MACROD2: variants seen among roughly 807,000 people sequenced by gnomAD.
MACROD2 encodes mono-ADP ribosylhydrolase 2, also known as ADP-ribose glycohydrolase MACROD2.
MACROD2 carries 36 observed loss-of-function variants against 70.4 expected under a neutral mutation model. The ratio of observed to expected loss-of-function variants is 0.51; its 90% confidence interval spans 0.39 to 0.68. MACROD2 has a LOEUF of 0.68. Among genes scored for constraint, MACROD2 ranks in the 30% least tolerant of loss-of-function variants. The probability of loss-of-function intolerance (pLI) is 0.00; values close to 1 mark genes in which losing one functional copy is unlikely to be tolerated. For missense variants in MACROD2, 496 were observed against 538.4 expected, an observed-to-expected ratio of 0.92 and a Z score of 0.78; for synonymous variants, 172 against 178.8, an observed-to-expected ratio of 0.96 and a Z score of 0.30.
At chr20:14,443,892 A>T (rs2084154619) in intron 3 of MACROD2, among the ~76,000 whole-genome samples, 2 of 152,286 alleles carry the variant, frequency 1.3e-5, no homozygotes, top group South Asian at 2.1e-4. Flanking sequence ...AAAGCATTTA[A>T]AGCACTTAGC....
intron 5 of MACROD2, among the ~76,000 whole-genome samples, chr20:15,170,207 TTTTCAGG>T (rs2076413459): frequency 6.6e-6 from 1 of 152,222 alleles, no homozygotes; most frequent in African/African-American, 2.4e-5. Context: ...CTGAATTCTT[TTTTCAGG>T]ATAATAGAGC....
rs531817902 is a variant in MACROD2, at chr20:15,623,063, A to G, written c.645+123216A>G. Among the ~76,000 whole-genome samples, 4 of 152,332 alleles carry G rather than the reference A, an allele frequency of 2.6e-5. No individual in the cohort carries two copies. In the South Asian group the frequency reaches 8.3e-4, roughly 32 times the overall value. ...TTCAGTCTTGGTGTCAAATTCTAGCAAAGAATAATTTTTAGGACTATGAGT... is the reference window on the plus strand; with the variant it reads ...TTCAGTCTTGGTGTCAAATTCTAGCGAAGAATAATTTTTAGGACTATGAGT... On this transcript the variant is annotated intron_variant, in intron 8 of 17. Coordinates refer to ENST00000684519, the MANE Select transcript of MACROD2 (RefSeq NM_001351661.2).
At chr20:16,021,451 G>GCAT (rs1435440101) in intron 15 of MACROD2, among the ~76,000 whole-genome samples, 2 of 152,222 alleles carry the variant, frequency 1.3e-5, no homozygotes, top group Non-Finnish European at 2.9e-5. Context: ...GACAGAGGTG[G>GCAT]CATCGCCTGT....
intron 8 of MACROD2, among the ~76,000 whole-genome samples, chr20:15,772,717 A>G (rs1356193831): frequency 3.3e-5 from 5 of 152,092 alleles, no homozygotes; most frequent in Non-Finnish European, 7.4e-5. Flanking sequence ...GAGAAGAAAG[A>G]AGGAGGAGCT....
intron 3 of MACROD2, among the ~76,000 whole-genome samples, chr20:14,093,015 T>C (rs2054172367): frequency 6.6e-6 from 1 of 152,238 alleles, no homozygotes; most frequent in South Asian, 2.1e-4. Flanking sequence ...CATATTTTTA[T>C]ATGGATTTGT....
chr20:15,473,932 G>A (rs1255780817), intron 7 of MACROD2, among the ~76,000 whole-genome samples: 1 of 152,196 alleles, frequency 6.6e-6, no homozygotes, highest in Non-Finnish European at 1.5e-5. Flanking sequence ...AAGTGTGTCT[G>A]CATGTTCCAG....
intron 5 of MACROD2, among the ~76,000 whole-genome samples, chr20:15,081,394 T>C (rs887549589): frequency 6.6e-6 from 1 of 152,180 alleles, no homozygotes; most frequent in Non-Finnish European, 1.5e-5. Context: ...TGGCAGTTTC[T>C]ACCGTGGATT....
intron 15 of MACROD2, among the ~76,000 whole-genome samples, chr20:16,027,184 G>A (rs962234324): frequency 3.9e-5 from 6 of 152,116 alleles, no homozygotes; most frequent in African/African-American, 7.2e-5. Context: ...GACTGAGACC[G>A]GAAATGGAAT....
chr20:14,486,033 C>T (rs1230081078), intron 3 of MACROD2, among the ~76,000 whole-genome samples: 8 of 151,972 alleles, frequency 5.3e-5, no homozygotes, highest in Non-Finnish European at 2.9e-5. Context: ...TAAAACATAC[C>T]TGTTCAATCA....
chr20:14,148,845 T>G (rs2054975278), intron 3 of MACROD2, among the ~76,000 whole-genome samples: 1 of 152,244 alleles, frequency 6.6e-6, no homozygotes, highest in Admixed American at 6.5e-5. Flanking sequence ...AGGGTCTTTG[T>G]GCTCAGTGTA....
chr20:15,602,254 A>G (rs1394634299), intron 8 of MACROD2, among the ~76,000 whole-genome samples: 3 of 152,196 alleles, frequency 2.0e-5, no homozygotes, highest in Non-Finnish European at 4.4e-5. Flanking sequence ...CCCACATCTG[A>G]TGACCAATCA....
At chr20:15,299,826 G>T (rs1450650248) in intron 6 of MACROD2, among the ~76,000 whole-genome samples, 2 of 152,328 alleles carry the variant, frequency 1.3e-5, no homozygotes, top group South Asian at 4.1e-4. Context: ...ATGGGTATGG[G>T]AACCCACCTG....
intron 3 of MACROD2, among the ~76,000 whole-genome samples, chr20:14,479,929 T>A (rs1231208403): frequency 6.6e-6 from 1 of 152,140 alleles, no homozygotes; most frequent in African/African-American, 2.4e-5. Flanking sequence ...CAGGATGGAG[T>A]TCAATGGCGC....
chr20:14,221,245 G>C (rs1463926195), intron 3 of MACROD2, among the ~76,000 whole-genome samples: 3 of 152,134 alleles, frequency 2.0e-5, no homozygotes, highest in Non-Finnish European at 2.9e-5. Flanking sequence ...TTTGGAATGA[G>C]AGAGTCTTGA....
At chr20:14,981,021 AGTGTGTGTGTGT>A (rs11468972) in intron 5 of MACROD2, among the ~76,000 whole-genome samples, 2,210 of 143,736 alleles carry the variant, frequency 0.015, 48 homozygotes, top group Admixed American at 0.044. Flanking sequence ...TACAAAAAGA[AGTGTGTGTGTGT>A]GTGTGTGTGT....
chr20:14,151,202 C>T (rs1449177727), intron 3 of MACROD2, among the ~76,000 whole-genome samples: 1 of 152,100 alleles, frequency 6.6e-6, no homozygotes, highest in Non-Finnish European at 1.5e-5. Flanking sequence ...TTACATTACA[C>T]ATTATGCACT....
intron 5 of MACROD2, among the ~76,000 whole-genome samples, chr20:15,069,280 T>TA (rs1427791942): frequency 7.9e-5 from 12 of 152,164 alleles, no homozygotes; most frequent in Non-Finnish European, 1.5e-4. Context: ...AGTTGGAACT[T>TA]ACAATTCAAT....
intron 5 of MACROD2, among the ~76,000 whole-genome samples, chr20:15,217,756 A>G (rs1334766341): frequency 2.0e-5 from 3 of 152,152 alleles, no homozygotes; most frequent in African/African-American, 7.2e-5. Flanking sequence ...GTCACCAGAT[A>G]TTATTTATTT....
intron 5 of MACROD2, among the ~76,000 whole-genome samples, chr20:14,828,787 C>T (rs2072929758): frequency 6.6e-6 from 1 of 151,896 alleles, no homozygotes; most frequent in African/African-American, 2.4e-5. Flanking sequence ...TTAACCATTG[C>T]ATTTTTACTG....
Sources: gnomAD v4.1 joint callset for allele counts (sites outside exome capture counted in the v4.1 genomes callset) on GRCh38, gnomAD v4.1.1 for gene constraint, MANE v1.5 for transcripts, NCBI Gene and HGNC (gene_info 2026-07-23, HGNC 2026-07-21) for gene names.